NYNRIN: variants seen among roughly 807,000 people sequenced by gnomAD.
NYNRIN encodes the protein NYN domain and retroviral integrase containing, also known as protein NYNRIN.
NYNRIN carries 86 observed loss-of-function variants against 146.6 expected under a neutral mutation model. The observed-to-expected ratio is 0.59, with a 90% CI of 0.49 to 0.70. The LOEUF is 0.70. Among genes scored for constraint, NYNRIN ranks in the 30% least tolerant of loss-of-function variants. NYNRIN has a pLI of 0.00. For missense variants in NYNRIN, 2,191 were observed against 2,377.7 expected (o/e 0.92, Z 1.63); for synonymous variants, 1,027 against 1,001.3 (o/e 1.03, Z -0.48).
Position 24,414,766 on chromosome 14 carries a change from A to G in NYNRIN, c.3017A>G (p.Gln1006Arg), listed in dbSNP as rs1252819045. The change falls in exon 9 of 9, where the codon CAG becomes CGG. Residue 1006 changes from glutamine to arginine, a missense_variant. Physicochemically the swap from Gln to Arg is conservative, Grantham distance 43. Transcript: ENST00000382554. ...KEERQDEEQRQGQGTQKAAEE... is the reference protein window; with the variant it reads ...KEERQDEEQRRGQGTQKAAEE... ...GAGAGGCAGGATGAGGAGCAGAGAC[A>G]GGGGCAGGGCACACAGAAGGCGGCT... 6.2e-7 allele frequency: 1 copy of G among 1,613,804 alleles called. No individual in the cohort carries two copies.
intron 8 of NYNRIN, among the ~76,000 whole-genome samples, chr14:24,414,391 A>G (rs2042930683): frequency 6.6e-6 from 1 of 152,180 alleles, no homozygotes; most frequent in Non-Finnish European, 1.5e-5. Context: ...GCACAAATGA[A>G]CCTCTAATAC....
rs2042966815 is a variant in NYNRIN, at chr14:24,418,994, A to G, written c.*1548A>G. On this transcript the variant is annotated 3_prime_UTR_variant, in exon 9 of 9. Transcript: ENST00000382554. ...ACTCTTCATCTCCCTGATCTTCCAG[A>G]CAAACTACCTGGATGTTGCCCTTAA... is the stretch of plus-strand genomic sequence containing the variant. 6.6e-6 allele frequency: 1 copy of G among 152,258 alleles called. No homozygotes were observed. The highest frequency in any genetic ancestry group is 2.1e-4 in the South Asian group (1 of 4,836). The allele number at this position is 152,258 out of a possible 1,614,324, so 9.4% of individuals were successfully genotyped here.
At chr14:24,401,461 C>G (rs575304609) in intron 2 of NYNRIN, among the ~76,000 whole-genome samples, 5 of 151,588 alleles carry the variant, frequency 3.3e-5, no homozygotes, top group African/African-American at 1.2e-4. Flanking sequence ...AGTTTTGTCT[C>G]AGGGGTTAGG....
chr14:24,399,240 G>A lies in NYNRIN; in HGVS notation c.-7G>A, dbSNP rs770021867. 15 of 1,613,048 alleles carry A rather than the reference G, an allele frequency of 9.3e-6. No homozygotes were observed. The highest frequency in any genetic ancestry group is 3.3e-5 in the Admixed American group (2 of 59,964). ...TCTCCTTCGTTCCAGGAGCGGGCGG[G>A]GCAGCCATGCTCCTGTCTGGGGGCG... On this transcript the variant is annotated 5_prime_UTR_variant, in exon 2 of 9. Transcript: ENST00000382554.
At position 24,417,537 on chromosome 14, in the gene NYNRIN, G is replaced by C. The variant is rs1235638393; in HGVS notation, c.*91G>C. On this transcript the variant is annotated 3_prime_UTR_variant, in exon 9 of 9. Coordinates refer to ENST00000382554, the MANE Select transcript of NYNRIN (RefSeq NM_025081.3). ...CCCAGCAGTGCTCTCAGTCCACTGGGGGCCCTCAGTTGTGCCTTTTGTAGA... is the reference window on the plus strand; with the variant it reads ...CCCAGCAGTGCTCTCAGTCCACTGGCGGCCCTCAGTTGTGCCTTTTGTAGA... 4 of 1,399,960 alleles carry C rather than the reference G, an allele frequency of 2.9e-6. No individual in the cohort carries two copies. The highest frequency in any genetic ancestry group is 2.6e-5 in the East Asian group (1 of 38,908). The allele number at this position is 1,399,960 out of a possible 1,614,324, so 86.7% of individuals were successfully genotyped here.
Position 24,408,919 on chromosome 14 carries a change from T to G in NYNRIN, c.1125T>G (p.His375Gln), listed in dbSNP as rs760066988. ...CCTTCTGGAGGATCAATGAGCTGCA[T>G]TCTCTACATCTGGCCTGGCTCCTGT... ...AATFWRINEL[H>Q]SLHLAWLLSQ... is the part of the protein sequence containing the mutation. Residue 375 changes from histidine to glutamine, a missense_variant, in exon 4 of 9, where the codon CAT (histidine) becomes CAG (glutamine). Physicochemically the swap from His to Gln is conservative, Grantham distance 24 (BLOSUM62 0). Around this residue, in one of 3 missense-constraint regions of NYNRIN, gnomAD observed 895 missense variants for 941.2 expected, o/e 0.95. Transcript: ENST00000382554. The G allele has an allele frequency of 4.3e-6, 7 of 1,614,034 alleles. No homozygotes were observed. The highest frequency in any genetic ancestry group is 1.7e-6 in the Non-Finnish European group (2 of 1,179,884).
At position 24,416,598 on chromosome 14, in the gene NYNRIN, C is replaced by G; in HGVS notation, c.4849C>G (p.Leu1617Val). 1 of 1,613,970 alleles carries G rather than the reference C, an allele frequency of 6.2e-7. No homozygotes were observed. Among genetic ancestry groups the G allele is most frequent in the African/African-American group, 1.3e-5 (1 of 75,056 alleles). ...CAGGTCGACCGCCCCCTGGTCGAAC[C>G]TGCAGATCGAGGTGGTGGGCCCGGT... ...PLRSTAPWSN[L>V]QIEVVGPVTI... is the part of the protein sequence containing the mutation. Residue 1617 changes from leucine to valine, a missense_variant, in exon 9 of 9, where the codon CTG (leucine) becomes GTG (valine). Physicochemically the swap from Leu to Val is conservative, Grantham distance 32. This residue lies in a region of NYNRIN where 1,291 missense variants were observed against 1,417.0 expected (regional missense o/e 0.91). Coordinates refer to ENST00000382554, the MANE Select transcript of NYNRIN (RefSeq NM_025081.3).
intron 2 of NYNRIN, among the ~76,000 whole-genome samples, chr14:24,405,406 T>C (rs1218035515): frequency 6.6e-6 from 1 of 152,258 alleles, no homozygotes; most frequent in Admixed American, 6.5e-5. Context: ...CAATATATTC[T>C]TACAAATACA....
rs1243745958 is a variant in NYNRIN, at chr14:24,417,188, G to A, written c.5439G>A (p.Glu1813=). The change falls in exon 9 of 9, where the codon GAG becomes GAA. Residue 1813 remains glutamate, a synonymous_variant. Coordinates refer to ENST00000382554, the MANE Select transcript of NYNRIN (RefSeq NM_025081.3). ...RVADKASEKA[E]NRRFKRESQE... Reference sequence around the variant, plus strand: ...CTGACAAGGCGAGTGAAAAGGCCGAGAACAGGCGTTTCAAGCGGGAGAGCC... The same window carrying A: ...CTGACAAGGCGAGTGAAAAGGCCGAAAACAGGCGTTTCAAGCGGGAGAGCC... 6.2e-6 allele frequency: 10 copies of A among 1,614,084 alleles called. No individual in the cohort carries two copies. Among genetic ancestry groups the A allele is most frequent in the Non-Finnish European group, 8.5e-6 (10 of 1,179,892 alleles).
chr14:24,416,939 C>A lies in NYNRIN; in HGVS notation c.5190C>A (p.Ile1730=). 1.3e-6 allele frequency: 2 copies of A among 1,590,504 alleles called. No individual in the cohort carries two copies. The highest frequency in any genetic ancestry group is 8.6e-7 in the Non-Finnish European group (1 of 1,166,780). Residue 1730 remains isoleucine (I), a synonymous_variant, in exon 9 of 9, where the codon ATC becomes ATA. Coordinates refer to ENST00000382554, the MANE Select transcript of NYNRIN (RefSeq NM_025081.3). Reference sequence around the variant, plus strand: ...TCAAGAGGGCCCTCAAGGAGTTCATCTTCCTGCATGGGAAGAAGTGGGCGG... The same window carrying A: ...TCAAGAGGGCCCTCAAGGAGTTCATATTCCTGCATGGGAAGAAGTGGGCGG... ...WEFKRALKEF[I]FLHGKKWAAS...
In NYNRIN at chr14:24,411,308, C is replaced by G; in HGVS notation, c.2546-46C>G. ...TGCCACCCCAGAGTGGCCATTTCCA[C>G]TTAGCCCTCCCTTGACCATTTCTGT... On this transcript the variant is annotated intron_variant, in intron 5 of 8. Transcript: ENST00000382554. This position sits in a 1 kb window ranked among gnomAD's most constrained non-coding sequence, Gnocchi z 4.3. 1 of 1,612,876 alleles carries G rather than the reference C, an allele frequency of 6.2e-7. No individual in the cohort carries two copies. The highest frequency in any genetic ancestry group is 2.2e-5 in the East Asian group (1 of 44,876).
chr14:24,406,791 T>TG (rs1473234822), intron 2 of NYNRIN, among the ~76,000 whole-genome samples: 4 of 152,134 alleles, frequency 2.6e-5, no homozygotes, highest in African/African-American at 9.7e-5. Flanking sequence ...GAAGTCCACA[T>TG]GGGGTGGCTG....
Position 24,416,693 on chromosome 14 carries a change from A to G in NYNRIN, c.4944A>G (p.Ala1648=). 1.9e-6 allele frequency: 3 copies of G among 1,613,890 alleles called. No homozygotes were observed. Among genetic ancestry groups the G allele is most frequent in the Non-Finnish European group, 2.5e-6 (3 of 1,179,850 alleles). Residue 1648 remains alanine (A), a synonymous_variant, in exon 9 of 9, where the codon GCA becomes GCG. Transcript: ENST00000382554. The part of the protein sequence containing the change: ...VADPNTRWVE[A]FPLKPYTHTA... ...ACCCAAACACCAGGTGGGTGGAGGC[A>G]TTCCCCCTGAAGCCCTACACACACA...
At position 24,408,902 on chromosome 14, in the gene NYNRIN, A is replaced by G. The variant is rs2042892684; in HGVS notation, c.1108A>G (p.Arg370Gly). 6.2e-7 allele frequency: 1 copy of G among 1,613,986 alleles called. No individual in the cohort carries two copies. The highest frequency in any genetic ancestry group is 8.5e-7 in the Non-Finnish European group (1 of 1,179,884). ...GGGGGCTATTGCTGCAACCTTCTGG[A>G]GGATCAATGAGCTGCATTCTCTACA... is the stretch of plus-strand genomic sequence containing the variant. The part of the protein sequence containing the change: ...WPGAIAATFW[R>G]INELHSLHLA... Residue 370 changes from arginine (R) to glycine (G), a missense_variant, in exon 4 of 9, where the codon AGG becomes GGG. Coordinates refer to ENST00000382554, the MANE Select transcript of NYNRIN (RefSeq NM_025081.3).
chr14:24,407,365 G>A (rs58788577), intron 2 of NYNRIN, among the ~76,000 whole-genome samples: 23,576 of 152,148 alleles, frequency 0.15, 1,919 homozygotes, highest in Non-Finnish European at 0.18. Context: ...CTGCAGGCAC[G>A]GGGGCAGGCG....
chr14:24,412,545 G>T, intron 6 of NYNRIN: 1 of 167,290 alleles, frequency 6.0e-6, no homozygotes. Flanking sequence ...TTGTGTGTGT[G>T]CTGTGTGGCC....
rs1213668544 is a variant in NYNRIN at position 24,415,315 on chromosome 14, C to G, written c.3566C>G (p.Thr1189Ser). ...HSGRKHPIAYTSKPLLPDEES... is the reference protein window; with the variant it reads ...HSGRKHPIAYSSKPLLPDEES... ...GGGAGGAAGCACCCCATAGCCTATA[C>G]CTCAAAACCCCTCCTCCCTGATGAG... Residue 1189 changes from threonine (T) to serine (S), a missense_variant, in exon 9 of 9, where the codon ACC becomes AGC. Around this residue, in one of 3 missense-constraint regions of NYNRIN, gnomAD observed 1,291 missense variants for 1,417.0 expected, o/e 0.91. Coordinates refer to ENST00000382554, the MANE Select transcript of NYNRIN (RefSeq NM_025081.3). 2 of 1,613,828 alleles carry G rather than the reference C, an allele frequency of 1.2e-6. No homozygotes were observed. Among genetic ancestry groups the G allele is most frequent in the African/African-American group, 2.7e-5 (2 of 74,922 alleles).
intron 2 of NYNRIN, among the ~76,000 whole-genome samples, 169 bp downstream of exon 2, chr14:24,399,613 G>A (rs1482203866): frequency 1.3e-5 from 2 of 152,100 alleles, no homozygotes; most frequent in African/African-American, 2.4e-5. Flanking sequence ...AGATCAGCCT[G>A]CGCTCCTTCC....
intron 7 of NYNRIN, 45 bp downstream of exon 7, chr14:24,413,143 G>A (rs1200058362): frequency 6.8e-7 from 1 of 1,462,566 alleles, no homozygotes; most frequent in African/African-American, 1.4e-5. Flanking sequence ...CCCCTTGGAT[G>A]TCAGGCAGCC....
Sources: allele counts gnomAD v4.1 joint callset (sites outside exome capture counted in the v4.1 genomes callset), GRCh38; gene constraint gnomAD v4.1.1; regional missense constraint gnomAD v4.1.1; non-coding constraint Gnocchi (gnomAD v3.1); transcripts MANE v1.5; gene names NCBI Gene and HGNC (gene_info 2026-07-23, HGNC 2026-07-21).